MARCHF1: variants seen among roughly 807,000 people sequenced by gnomAD.
MARCHF1 encodes E3 ubiquitin-protein ligase MARCHF1.
A neutral mutation model predicts 54.2 loss-of-function variants in MARCHF1; 40 were observed. That is an observed-to-expected ratio of 0.74 (90% CI 0.57 to 0.96). The LOEUF (loss-of-function observed/expected upper bound fraction) is 0.96, where lower values mean the gene tolerates loss of function less well. Ranked by LOEUF, MARCHF1 falls within the 40% of genes least tolerant of loss-of-function variation. The pLI is 0.00. For synonymous variants in MARCHF1, 236 were observed against 236.3 expected, an observed-to-expected ratio of 1.00 and a Z score of 0.01; for missense variants, 586 against 656.5, an observed-to-expected ratio of 0.89 and a Z score of 1.17.
intron 1 of MARCHF1, among the ~76,000 whole-genome samples, chr4:164,292,984 A>T (rs900583945): frequency 3.3e-5 from 5 of 152,134 alleles, no homozygotes; most frequent in Admixed American, 3.3e-4. Flanking sequence ...TTGACTCTCC[A>T]GTCATTTTTC....
intron 4 of MARCHF1, among the ~76,000 whole-genome samples, chr4:163,826,470 A>G (rs968144883): frequency 6.6e-6 from 1 of 152,112 alleles, no homozygotes; most frequent in Non-Finnish European, 1.5e-5. Context: ...ATGAACATAA[A>G]TATCCTAAAG....
intron 4 of MARCHF1, among the ~76,000 whole-genome samples, chr4:163,706,281 T>C (rs1370984125): frequency 6.6e-6 from 1 of 152,074 alleles, no homozygotes; most frequent in Non-Finnish European, 1.5e-5. Flanking sequence ...AAATCAAAGA[T>C]GGTAGAGCTG....
chr4:164,121,364 A>G (rs753355074), intron 1 of MARCHF1, among the ~76,000 whole-genome samples: 1 of 152,166 alleles, frequency 6.6e-6, no homozygotes, highest in Non-Finnish European at 1.5e-5. Flanking sequence ...AAAGAGGTTT[A>G]ATTGACTGAT....
intron 3 of MARCHF1, among the ~76,000 whole-genome samples, chr4:163,876,385 T>C (rs770391385): frequency 5.3e-5 from 8 of 152,196 alleles, no homozygotes; most frequent in Non-Finnish European, 1.2e-4. Context: ...ATATTTCTAG[T>C]GAGCCACCAG....
intron 1 of MARCHF1, among the ~76,000 whole-genome samples, chr4:164,334,230 C>G (rs566471415): frequency 1.4e-4 from 22 of 151,988 alleles, no homozygotes; most frequent in Non-Finnish European, 2.8e-4. Context: ...ATGAAACTGA[C>G]GTGTATTGGA....
chr4:163,676,058 A>AT (rs1336967152), intron 5 of MARCHF1, among the ~76,000 whole-genome samples: 1 of 151,710 alleles, frequency 6.6e-6, no homozygotes, highest in Non-Finnish European at 1.5e-5. Context: ...AAATCAGAAG[A>AT]TTGGCCGGGT....
At chr4:164,176,966 C>CTATATATA (rs1730689125) in intron 1 of MARCHF1, among the ~76,000 whole-genome samples, 2 of 46,736 alleles carry the variant, frequency 4.3e-5, no homozygotes, top group African/African-American at 2.1e-4. Context: ...CTCTCTCTCT[C>CTATATATA]TCTCTCTCTC....
At chr4:164,031,424 T>C (rs977611980) in intron 2 of MARCHF1, among the ~76,000 whole-genome samples, 11 of 97,928 alleles carry the variant, frequency 1.1e-4, no homozygotes, top group Admixed American at 4.9e-4. Context: ...TATTATATTA[T>C]TTTTTTTTCA....
intron 1 of MARCHF1, among the ~76,000 whole-genome samples, chr4:164,113,623 G>A (rs1755880948): frequency 6.6e-6 from 1 of 151,942 alleles, no homozygotes; most frequent in Non-Finnish European, 1.5e-5. Flanking sequence ...AATGACTTAG[G>A]TGAATCGTGA....
chr4:164,168,382 A>G (rs1730434824), intron 1 of MARCHF1, among the ~76,000 whole-genome samples: 1 of 151,998 alleles, frequency 6.6e-6, no homozygotes, highest in Non-Finnish European at 1.5e-5. Context: ...ACCCAGTAAT[A>G]ATTTTTCTGT....
intron 5 of MARCHF1, among the ~76,000 whole-genome samples, chr4:163,682,136 A>G (rs892892080): frequency 6.6e-6 from 1 of 152,186 alleles, no homozygotes; most frequent in East Asian, 1.9e-4. Context: ...CTATGCTCTA[A>G]CCAAGAGACT....
intron 4 of MARCHF1, among the ~76,000 whole-genome samples, chr4:163,787,937 C>A (rs890695743): frequency 7.9e-5 from 12 of 151,810 alleles, no homozygotes; most frequent in Non-Finnish European, 1.6e-4. Context: ...ACATGGAAGA[C>A]CCTCAAGGAC....
chr4:163,733,231 A>G (rs1451628335), intron 4 of MARCHF1, among the ~76,000 whole-genome samples: 1 of 73,870 alleles, frequency 1.4e-5, no homozygotes, highest in African/African-American at 4.5e-5. Context: ...ACACGTGTAT[A>G]TATATATATA....
At chr4:164,130,967 C>A (rs1051476874) in intron 1 of MARCHF1, among the ~76,000 whole-genome samples, 9 of 152,192 alleles carry the variant, frequency 5.9e-5, no homozygotes, top group Admixed American at 3.9e-4. Context: ...TGATTATCTG[C>A]CATTTCTTTG....
rs75416107 is a variant in MARCHF1 at position 164,220,095 on chromosome 4, C to T, written c.-322-108433G>A. Among the ~76,000 whole-genome samples the T allele has an allele frequency of 3.3e-5, 5 of 151,634 alleles. No homozygotes were observed. The East Asian group carries it at 7.8e-4, about 24-fold the overall frequency. On this transcript the variant is annotated intron_variant, in intron 1 of 9. Transcript: ENST00000514618. ...AATGGACTATCTAAATCCCTCCTTC[C>T]GAAATGCACTTGAAATCACATTTAT...
chr4:163,649,205 T>C (rs1182781495), intron 5 of MARCHF1, among the ~76,000 whole-genome samples: 1 of 152,000 alleles, frequency 6.6e-6, no homozygotes, highest in East Asian at 1.9e-4. Context: ...TCCATTAAAA[T>C]GAATAGATTC....
Position 163,650,069 on chromosome 4 carries a change from T to C in MARCHF1, c.163-36676A>G, listed in dbSNP as rs141535540. On this transcript the variant is annotated intron_variant, in intron 5 of 9. Coordinates refer to ENST00000514618, the MANE Select transcript of MARCHF1 (RefSeq NM_001394959.1). ...AGGTGTTAAAGTTAATATGTTACAG[T>C]ACAATGAGTGAGTAAACAGAAGATT... 1.1e-3 allele frequency among the ~76,000 whole-genome samples: 163 copies of C among 152,000 alleles called. 1 individual carries two copies. Among genetic ancestry groups the C allele is most frequent in the African/African-American group, 3.8e-3 (156 of 41,508 alleles).
intron 7 of MARCHF1, among the ~76,000 whole-genome samples, chr4:163,600,401 A>G (rs1740925743): frequency 6.6e-6 from 1 of 152,098 alleles, no homozygotes; most frequent in African/African-American, 2.4e-5. Context: ...CAGCATTAAA[A>G]ACATAAAATT....
intron 3 of MARCHF1, among the ~76,000 whole-genome samples, chr4:163,923,973 C>T (rs1751486578): frequency 6.6e-6 from 1 of 151,902 alleles, no homozygotes; most frequent in Non-Finnish European, 1.5e-5. Flanking sequence ...ACCATTGTAT[C>T]ATGACTATTT....
Sources: allele counts gnomAD v4.1 joint callset (sites outside exome capture counted in the v4.1 genomes callset), GRCh38; gene constraint gnomAD v4.1.1; transcripts MANE v1.5; gene names NCBI Gene and HGNC (gene_info 2026-07-23, HGNC 2026-07-21).